Variants in BSN observed in about 807,000 individuals in gnomAD.
BSN encodes protein bassoon.
In BSN, 57 loss-of-function variants were observed where a neutral mutation model predicts 264.8. The observed-to-expected ratio is 0.22, with a 90% CI of 0.17 to 0.27. The LOEUF (loss-of-function observed/expected upper bound fraction) is 0.27. Among genes scored for constraint, BSN ranks in the 10% least tolerant of loss-of-function variants. The probability of loss-of-function intolerance (pLI) is 1.00; values close to 1 mark genes in which losing one functional copy is unlikely to be tolerated. For synonymous variants in BSN, 2,059 were observed against 2,137.3 expected (o/e 0.96, Z 1.01); for missense variants, 4,615 against 5,232.5 (o/e 0.88, Z 3.64).
chr3:49,605,482 T>TATA lies in BSN; in HGVS notation c.225-19492_225-19491insTAA, dbSNP rs2052112932. ...TATATTATATATAATATATATTATA[T>TATA]AATATATATTATATATAATATATAT... On this transcript the variant is annotated intron_variant, in intron 1 of 11. Coordinates refer to ENST00000296452, the MANE Select transcript of BSN (RefSeq NM_003458.4). Among the ~76,000 whole-genome samples, 4 of 7,382 alleles carry TATA rather than the reference T, an allele frequency of 5.4e-4. No homozygotes were observed. In the Admixed American group the frequency reaches 0.014, roughly 26 times the overall value. 4.8% of individuals were successfully genotyped at this position (7,382 alleles called of 152,430 possible).
rs765462340 is a variant in BSN, at chr3:49,660,825, C to T, written c.8980C>T (p.Arg2994Trp). Residue 2994 changes from arginine (R) to tryptophan (W), a missense_variant, in exon 6 of 12, where the codon CGG becomes TGG. Physicochemically the swap from Arg to Trp is moderately radical, Grantham distance 101. This residue lies in a region of BSN where 3,415 missense variants were observed against 3,866.4 expected (regional missense o/e 0.88). Coordinates refer to ENST00000296452, the MANE Select transcript of BSN (RefSeq NM_003458.4). This position sits in a 1 kb window ranked among gnomAD's most constrained non-coding sequence, Gnocchi z 7.1. ...TQRKESLAKD[R>W]GGRDYPPLRG... is the part of the protein sequence containing the mutation. ...ACGCAAAGAGTCTTTGGCCAAAGAC[C>T]GGGGTGGCCGTGACTACCCACCCTT... is the stretch of plus-strand genomic sequence containing the variant. The T allele has an allele frequency of 5.6e-6, 9 of 1,612,816 alleles. No homozygotes were observed. Among genetic ancestry groups the T allele is most frequent in the Admixed American group, 1.7e-5 (1 of 60,018 alleles).
chr3:49,651,147 C>A lies in BSN; in HGVS notation c.1986+68C>A. 10 of 1,482,216 alleles carry A rather than the reference C, an allele frequency of 6.7e-6. No individual in the cohort carries two copies. Among genetic ancestry groups the A allele is most frequent in the Non-Finnish European group, 7.2e-6 (8 of 1,108,832 alleles). The allele number at this position is 1,482,216 out of a possible 1,614,324, so 91.8% of individuals were successfully genotyped here. On this transcript the variant is annotated intron_variant, in intron 4 of 11. Coordinates refer to ENST00000296452, the MANE Select transcript of BSN (RefSeq NM_003458.4). This position sits in a 1 kb window ranked among gnomAD's most constrained non-coding sequence, Gnocchi z 5.4. ...GACAGTCTATGGAAAGGCTTGCCTC[C>A]CTGGGTGGCTGAGGCTGTAGGCTCA...
intron 1 of BSN, among the ~76,000 whole-genome samples, chr3:49,575,658 G>GTGTA (rs1483386215): frequency 4.9e-5 from 7 of 141,636 alleles, no homozygotes; most frequent in African/African-American, 1.8e-4. Flanking sequence ...GTGTGTGTGT[G>GTGTA]TATATATATA....
At chr3:49,608,753 A>G (rs747672469) in intron 1 of BSN, among the ~76,000 whole-genome samples, 15 of 151,802 alleles carry the variant, frequency 9.9e-5, no homozygotes, top group Admixed American at 7.9e-4. Context: ...GCTTGAACCC[A>G]GGAGGCGGAG....
chr3:49,568,079 A>G (rs559144162), intron 1 of BSN, among the ~76,000 whole-genome samples: 2 of 152,178 alleles, frequency 1.3e-5, no homozygotes, highest in African/African-American at 4.8e-5. Context: ...CTTAAGAGAC[A>G]TGCAGTGTCA....
intron 1 of BSN, among the ~76,000 whole-genome samples, chr3:49,624,652 G>A (rs2052328964): frequency 6.6e-6 from 1 of 152,150 alleles, no homozygotes; most frequent in South Asian, 2.1e-4. Flanking sequence ...CAAAGCATGG[G>A]CCTCAGATGA....
intron 1 of BSN, among the ~76,000 whole-genome samples, chr3:49,565,845 G>A (rs931690702): frequency 1.3e-5 from 2 of 151,348 alleles, no homozygotes; most frequent in African/African-American, 2.4e-5. Flanking sequence ...TTTTTGAGAC[G>A]GAGTCTCGCC....
At position 49,556,040 on chromosome 3, in the gene BSN, C is replaced by A. The variant is rs192094112; in HGVS notation, c.224+1214C>A. On this transcript the variant is annotated intron_variant, in intron 1 of 11. Transcript: ENST00000296452. ...CATCCTTTTTAGAGGTGGGATTTGT[C>A]CATTTTATACTAGCTATAATAGTAA... Among the ~76,000 whole-genome samples, 432 of 152,252 alleles carry A rather than the reference C, an allele frequency of 2.8e-3. 4 individuals are homozygous for A. Among genetic ancestry groups the A allele is most frequent in the Non-Finnish European group, 5.0e-4 (34 of 68,020 alleles).
chr3:49,665,008 G>A (rs1575454043), intron 10 of BSN, among the ~76,000 whole-genome samples, 155 bp downstream of exon 10: 1 of 152,068 alleles, frequency 6.6e-6, no homozygotes. Flanking sequence ...CTCTGAATGT[G>A]GGAGGAGAAA....
intron 3 of BSN, among the ~76,000 whole-genome samples, chr3:49,644,540 C>T (rs895957620): frequency 6.6e-6 from 1 of 152,216 alleles, no homozygotes; most frequent in Non-Finnish European, 1.5e-5. Context: ...ACGAAGCCAA[C>T]TCTCCAAGCT....
At chr3:49,575,535 AAT>A (rs1472879368) in intron 1 of BSN, among the ~76,000 whole-genome samples, 2 of 147,080 alleles carry the variant, frequency 1.4e-5, no homozygotes, top group African/African-American at 2.5e-5. Flanking sequence ...TATATATGTA[AAT>A]ATATGTGTGT....
At position 49,656,050 on chromosome 3, in the gene BSN, C is replaced by T. The variant is rs2052596069; in HGVS notation, c.6494C>T (p.Ala2165Val). ...PEGHPSPGNL[A>V]QYGPAAGQGT... ...GGCCACCCAAGTCCTGGGAACTTGG[C>T]CCAGTATGGGCCTGCAGCAGGCCAA... Residue 2165 changes from alanine (A) to valine (V), a missense_variant, in exon 5 of 12, where the codon GCC (alanine) becomes GTC (valine). Coordinates refer to ENST00000296452, the MANE Select transcript of BSN (RefSeq NM_003458.4). The T allele has an allele frequency of 3.7e-6, 6 of 1,604,772 alleles. No individual in the cohort carries two copies. In the South Asian group the frequency reaches 5.5e-5, roughly 15 times the overall value.
Position 49,663,640 on chromosome 3 carries a change from G to A in BSN, c.11482G>A (p.Ala3828Thr). The A allele has an allele frequency of 6.2e-7, 1 of 1,607,522 alleles. No homozygotes were observed. Among genetic ancestry groups the A allele is most frequent in the African/African-American group, 1.3e-5 (1 of 74,950 alleles). Residue 3828 changes from alanine (A) to threonine (T), a missense_variant, in exon 7 of 12, where the codon GCC (alanine) becomes ACC (threonine). Transcript: ENST00000296452. ...GAAGCCTCAGCCAGGCCCCAGCACAGCCACAGGTCCTCAACCAGCAGGACC... is the reference window on the plus strand; with the variant it reads ...GAAGCCTCAGCCAGGCCCCAGCACAACCACAGGTCCTCAACCAGCAGGACC... ...AGKPQPGPSTATGPQPAGPPR... is the reference protein window; with the variant it reads ...AGKPQPGPSTTTGPQPAGPPR...
In BSN at chr3:49,564,646, A is replaced by T. The variant is rs187934127; in HGVS notation, c.224+9820A>T. 2.6e-4 allele frequency among the ~76,000 whole-genome samples: 40 copies of T among 152,264 alleles called. No individual in the cohort carries two copies. The East Asian group carries it at 3.5e-3, about 13-fold the overall frequency. On this transcript the variant is annotated intron_variant, in intron 1 of 11. Transcript: ENST00000296452. ...TTGCCAGCTCAGGTTTGGAGTGATG[A>T]TGGCTGAGTAGTGGGAGTAGCTGCC...
chr3:49,664,886 T>C, intron 10 of BSN, 33 bp downstream of exon 10: 2 of 1,264,372 alleles, frequency 1.6e-6, no homozygotes, highest in Non-Finnish European at 2.1e-6. Context: ...TTGCCTCTTC[T>C]GGGAAAGGCC....
In BSN at chr3:49,651,378, C is replaced by T. The variant is rs1559614107; in HGVS notation, c.1987-165C>T. The stretch of plus-strand genomic sequence containing the variant: ...GGCTGGTTTGGGCTTGCCATGGAAC[C>T]TTCAGGTTATTCAAGGCCAGAAGGA... On this transcript the variant is annotated intron_variant, in intron 4 of 11. Coordinates refer to ENST00000296452, the MANE Select transcript of BSN (RefSeq NM_003458.4). This position sits in a 1 kb window ranked among gnomAD's most constrained non-coding sequence, Gnocchi z 5.4. 1 of 788,022 alleles carries T rather than the reference C, an allele frequency of 1.3e-6. No homozygotes were observed. The highest frequency in any genetic ancestry group is 2.0e-5 in the South Asian group (1 of 50,256). The allele number at this position is 788,022 out of a possible 1,614,324, so 48.8% of individuals were successfully genotyped here. A position where few individuals can be genotyped will look rare whatever the true frequency, so the allele number is the denominator to read the frequency against.
chr3:49,556,060 T>C (rs1021975489), intron 1 of BSN, among the ~76,000 whole-genome samples: 4 of 152,220 alleles, frequency 2.6e-5, no homozygotes, highest in African/African-American at 9.6e-5. Flanking sequence ...CTAGCTATAA[T>C]AGTAATGCAG....
chr3:49,595,936 A>G (rs2052019163), intron 1 of BSN, among the ~76,000 whole-genome samples: 1 of 152,138 alleles, frequency 6.6e-6, no homozygotes, highest in Non-Finnish European at 1.5e-5. Flanking sequence ...AAAAAGAAAT[A>G]TGTAGTTTTA....
intron 2 of BSN, among the ~76,000 whole-genome samples, chr3:49,636,030 C>T (rs1001084634): frequency 3.3e-5 from 5 of 151,646 alleles, no homozygotes; most frequent in Admixed American, 6.6e-5. Flanking sequence ...GCACTTCAAG[C>T]GTATCATTAA....
Sources: gnomAD v4.1 joint callset for allele counts (sites outside exome capture counted in the v4.1 genomes callset) on GRCh38, gnomAD v4.1.1 for gene constraint, gnomAD v4.1.1 regional missense constraint, Gnocchi (gnomAD v3.1) non-coding constraint, MANE v1.5 for transcripts, NCBI Gene and HGNC (gene_info 2026-07-23, HGNC 2026-07-21) for gene names.